The following NSG2 variants were observed in gnomAD, a reference collection of about 807,000 sequenced individuals.
The protein encoded by NSG2 is neuronal vesicle trafficking-associated protein 2.
In NSG2, 4 loss-of-function variants were observed where a neutral mutation model predicts 16.9. The observed-to-expected ratio is 0.24, with a 90% CI of 0.12 to 0.54. The LOEUF (loss-of-function observed/expected upper bound fraction) is 0.54, where lower values mean the gene tolerates loss of function less well. Ranked by LOEUF, NSG2 falls within the 20% of genes least tolerant of loss-of-function variation. NSG2 has a pLI of 0.95. For missense variants in NSG2, 179 were observed against 221.1 expected (o/e 0.81, Z 1.21); for synonymous variants, 98 against 88.7 (o/e 1.11, Z -0.59).
In NSG2 at chr5:174,090,260, C is replaced by T. The variant is rs560044774; in HGVS notation, c.214-13968C>T. Among the ~76,000 whole-genome samples, 14 of 152,296 alleles carry T rather than the reference C, an allele frequency of 9.2e-5. No homozygotes were observed. In the East Asian group the frequency reaches 2.7e-3, roughly 29 times the overall value. ...AAAAGAAAAAAAGAGCATGAGGCAA[C>T]GTCGAGGGGAAACCAGGCACAACCT... On this transcript the variant is annotated intron_variant, in intron 3 of 4. Transcript: ENST00000303177.
intron 3 of NSG2, among the ~76,000 whole-genome samples, chr5:174,087,504 G>A (rs558735841): frequency 1.3e-5 from 2 of 152,272 alleles, no homozygotes; most frequent in East Asian, 3.9e-4. Flanking sequence ...ATGAGGCTGA[G>A]CATTGTGGCT....
intron 3 of NSG2, among the ~76,000 whole-genome samples, chr5:174,065,226 G>C (rs1760120243): frequency 6.6e-6 from 1 of 152,006 alleles, no homozygotes; most frequent in Admixed American, 6.5e-5. Flanking sequence ...TACTCGGGAG[G>C]CTGAGGCAGG....
intron 3 of NSG2, among the ~76,000 whole-genome samples, chr5:174,065,825 G>A (rs911157029): frequency 3.3e-5 from 5 of 152,208 alleles, no homozygotes; most frequent in African/African-American, 7.2e-5. Flanking sequence ...CCACAAGCGA[G>A]TCACTAAGCC....
intron 2 of NSG2, among the ~76,000 whole-genome samples, chr5:174,056,886 T>C (rs7701556): frequency 0.14 from 21,341 of 152,230 alleles, 2,091 homozygotes; most frequent in African/African-American, 0.27. Context: ...TACTTTGCAC[T>C]GTCTGAACCA....
At chr5:174,090,349 G>A (rs915885975) in intron 3 of NSG2, among the ~76,000 whole-genome samples, 2 of 152,208 alleles carry the variant, frequency 1.3e-5, no homozygotes, top group Admixed American at 6.5e-5. Flanking sequence ...AGTTTCAGAG[G>A]CGCGTGGGCA....
rs528127750 is a variant in NSG2 at position 174,074,375 on chromosome 5, A to G, written c.213+10060A>G. 5.6e-4 allele frequency among the ~76,000 whole-genome samples: 86 copies of G among 152,216 alleles called. 1 individual carries two copies. The South Asian group carries it at 0.017, about 30-fold the overall frequency. ...TTTCTGGGGAGGGAGGTCTCTTGCT[A>G]GATGGATGCTGCCACCTAGCTTGGG... is the stretch of plus-strand genomic sequence containing the variant. On this transcript the variant is annotated intron_variant, in intron 3 of 4. Transcript: ENST00000303177.
In NSG2 at chr5:174,064,324, C is replaced by T. The variant is rs1365968754; in HGVS notation, c.213+9C>T. On this transcript the variant is annotated intron_variant, in intron 3 of 4. Coordinates refer to ENST00000303177, the MANE Select transcript of NSG2 (RefSeq NM_015980.5). The stretch of plus-strand genomic sequence containing the variant: ...AAATCGCTGAATTTACGGTCAGTTT[C>T]TTGATGGTGTAATAGAAAGAGTAAA... 5.0e-6 allele frequency: 8 copies of T among 1,604,706 alleles called. No homozygotes were observed. The highest frequency in any genetic ancestry group is 6.8e-6 in the Non-Finnish European group (8 of 1,172,366).
chr5:174,069,874 ATTT>A (rs1374503826), intron 3 of NSG2, among the ~76,000 whole-genome samples: 3 of 113,272 alleles, frequency 2.6e-5, no homozygotes, highest in Admixed American at 1.8e-4. Flanking sequence ...AAGGTAGGCC[ATTT>A]TTTTTTTTTT....
At chr5:174,061,240 A>G (rs1760045682) in intron 2 of NSG2, among the ~76,000 whole-genome samples, 1 of 152,258 alleles carries the variant, frequency 6.6e-6, no homozygotes, top group Non-Finnish European at 1.5e-5. Flanking sequence ...AAGAGAAATA[A>G]TCAGACATCT....
chr5:174,065,759 G>A (rs1467980341), intron 3 of NSG2, among the ~76,000 whole-genome samples: 1 of 152,246 alleles, frequency 6.6e-6, no homozygotes, highest in Non-Finnish European at 1.5e-5. Context: ...GTGGATGGAT[G>A]ATGCAGCAGC....
At chr5:174,068,112 G>A (rs1760174438) in intron 3 of NSG2, among the ~76,000 whole-genome samples, 1 of 152,164 alleles carries the variant, frequency 6.6e-6, no homozygotes, top group South Asian at 2.1e-4. Context: ...ATATTGCCCG[G>A]GGCTGAGGGA....
intron 2 of NSG2, among the ~76,000 whole-genome samples, chr5:174,060,151 A>T (rs1258437730): frequency 6.6e-6 from 1 of 152,198 alleles, no homozygotes; most frequent in East Asian, 1.9e-4. Context: ...ATTTATTATT[A>T]TGAGAATAAA....
intron 3 of NSG2, among the ~76,000 whole-genome samples, chr5:174,099,212 C>T (rs1265630173): frequency 6.6e-6 from 1 of 152,134 alleles, no homozygotes; most frequent in Non-Finnish European, 1.5e-5. Flanking sequence ...AAATCTCGCC[C>T]TGGAACCAAA....
chr5:174,052,917 G>T (rs1216931490), intron 2 of NSG2, among the ~76,000 whole-genome samples: 2 of 152,198 alleles, frequency 1.3e-5, no homozygotes, highest in Non-Finnish European at 2.9e-5. Context: ...TGCGCTCTGG[G>T]CAAACGCTTC....
rs79182393 is a variant in NSG2, at chr5:174,107,280, G to A, written c.325-34G>A. ...CTGGGCAGGTTGGGAGCAGTTTGCT[G>A]AATGACCCCTGACTCTGTCTCTTTC... On this transcript the variant is annotated intron_variant, in intron 4 of 4. Transcript: ENST00000303177. This position sits in a 1 kb window ranked among gnomAD's most constrained non-coding sequence, Gnocchi z 4.5. 6,501 of 1,508,302 alleles carry A rather than the reference G, an allele frequency of 4.3e-3. 204 individuals carry two copies. In the East Asian group the frequency reaches 0.072, roughly 17 times the overall value. 93.4% of individuals were successfully genotyped at this position (1,508,302 alleles called of 1,614,324 possible).
At chr5:174,053,112 A>G (rs771425577) in intron 2 of NSG2, among the ~76,000 whole-genome samples, 2 of 152,110 alleles carry the variant, frequency 1.3e-5, no homozygotes, top group African/African-American at 2.4e-5. Context: ...CAGCTAAGCT[A>G]TTTACTTACT....
intron 2 of NSG2, among the ~76,000 whole-genome samples, chr5:174,055,132 T>C (rs12522454): frequency 0.22 from 33,077 of 152,122 alleles, 4,928 homozygotes; most frequent in African/African-American, 0.42. Flanking sequence ...AGTGACATGG[T>C]CTGGGCCTCT....
chr5:174,064,364 C>G, intron 3 of NSG2, 49 bp downstream of exon 3: 3 of 1,311,580 alleles, frequency 2.3e-6, no homozygotes, highest in Non-Finnish European at 2.2e-6. Flanking sequence ...AGGCTGGCTC[C>G]AGCCAGCTCA....
chr5:174,049,110 C>T (rs535338082), intron 2 of NSG2, among the ~76,000 whole-genome samples: 153 of 152,168 alleles, frequency 1.0e-3, no homozygotes, highest in Middle Eastern at 6.9e-3. Context: ...GAGGCTGAGG[C>T]GGGCGGATCA....
Sources: allele counts gnomAD v4.1 joint callset (sites outside exome capture counted in the v4.1 genomes callset), GRCh38; gene constraint gnomAD v4.1.1; non-coding constraint Gnocchi (gnomAD v3.1); transcripts MANE v1.5; gene names NCBI Gene and HGNC (gene_info 2026-07-23, HGNC 2026-07-21).